The following WDR12 variants were observed in gnomAD, a reference collection of about 807,000 sequenced individuals.
WDR12 encodes the protein ribosome biogenesis protein WDR12.
A neutral mutation model predicts 64.3 loss-of-function variants in WDR12; 42 were observed. That is an observed-to-expected ratio of 0.65 (90% CI 0.51 to 0.84). The LOEUF (loss-of-function observed/expected upper bound fraction) is 0.84, where lower values mean the gene tolerates loss of function less well. WDR12 is among the 40% of genes least tolerant of loss of function. The pLI, the probability that WDR12 is intolerant of heterozygous loss-of-function variation, is 0.00. For synonymous variants in WDR12, 158 were observed against 173.3 expected (o/e 0.91, Z 0.70); for missense variants, 469 against 494.6 (o/e 0.95, Z 0.49).
intron 4 of WDR12, 148 bp downstream of exon 4, chr2:202,899,383 C>G: frequency 1.5e-6 from 1 of 661,788 alleles, no homozygotes; most frequent in East Asian, 3.0e-5. Context: ...AAAGATCTTT[C>G]TGTTTGCCAT....
intron 2 of WDR12, among the ~76,000 whole-genome samples, chr2:202,906,078 T>G (rs533222114): frequency 1.3e-5 from 2 of 152,238 alleles, no homozygotes; most frequent in Non-Finnish European, 2.9e-5. Context: ...ATACCTCATT[T>G]ACCCTGATGT....
intron 8 of WDR12, among the ~76,000 whole-genome samples, chr2:202,892,358 A>G (rs967312820): frequency 3.3e-5 from 5 of 152,336 alleles, no homozygotes; most frequent in African/African-American, 1.2e-4. Flanking sequence ...GCAACATGAG[A>G]TCAAACATAA....
At chr2:202,884,120 T>C (rs1177204175) in intron 10 of WDR12, 78 bp downstream of exon 10, 11 of 1,470,604 alleles carry the variant, frequency 7.5e-6, no homozygotes, top group East Asian at 6.9e-5. Context: ...CAGAAATTCC[T>C]TTTTTTGTAC....
At chr2:202,894,432 G>GGCT (rs1370048168) in intron 7 of WDR12, 149 bp downstream of exon 7, 1 of 598,838 alleles carries the variant, frequency 1.7e-6, no homozygotes, top group Non-Finnish European at 2.9e-6. Context: ...ATGTGGCCTA[G>GGCT]GCTGCTCTTG....
In WDR12 at chr2:202,877,638, T is replaced by A. The variant is rs996533452; in HGVS notation, c.*3222A>T. The A allele has an allele frequency of 6.6e-6, 1 of 152,266 alleles. No individual in the cohort carries two copies. Among genetic ancestry groups the A allele is most frequent in the African/African-American group, 2.4e-5 (1 of 41,450 alleles). The allele number at this position is 152,266 out of a possible 1,614,324, so 9.4% of individuals were successfully genotyped here. ...AAGATTACACCATTGTACTCCAGTA[T>A]GGGTGACATAGTGAGACCCTGTCTT... is the stretch of plus-strand genomic sequence containing the variant. On this transcript the variant is annotated 3_prime_UTR_variant, in exon 13 of 13. Transcript: ENST00000261015.
rs1687845361 is a variant in WDR12, at chr2:202,875,590, G to A, written c.*5270C>T. On this transcript the variant is annotated 3_prime_UTR_variant, in exon 13 of 13. Coordinates refer to ENST00000261015, the MANE Select transcript of WDR12 (RefSeq NM_018256.4). ...TTTAGTAGAGACGGGGTTTCTCCAT[G>A]TTGGTCAGGCTATTCTTGAACTCCC... 1 of 152,078 alleles carries A rather than the reference G, an allele frequency of 6.6e-6. No individual in the cohort carries two copies. Among genetic ancestry groups the A allele is most frequent in the African/African-American group, 2.4e-5 (1 of 41,422 alleles). The allele number at this position is 152,078 out of a possible 1,614,324, so 9.4% of individuals were successfully genotyped here.
At chr2:202,881,454 T>C (rs949135637) in intron 12 of WDR12, among the ~76,000 whole-genome samples, 8 of 152,116 alleles carry the variant, frequency 5.3e-5, no homozygotes, top group African/African-American at 1.9e-4. Context: ...TAGTCTTAAG[T>C]AGTGAGTTTT....
intron 5 of WDR12, among the ~76,000 whole-genome samples, chr2:202,896,815 C>T (rs942892207): frequency 4.6e-5 from 7 of 151,798 alleles, no homozygotes; most frequent in Non-Finnish European, 7.4e-5. Flanking sequence ...GGTGAAACCC[C>T]GTCTCTACTA....
chr2:202,896,471 A>T (rs1169273650), intron 5 of WDR12, among the ~76,000 whole-genome samples: 1 of 151,896 alleles, frequency 6.6e-6, no homozygotes, highest in Non-Finnish European at 1.5e-5. Flanking sequence ...CAGGCAGATC[A>T]CTTGAGGTCA....
At chr2:202,894,010 T>A (rs920954368) in intron 7 of WDR12, among the ~76,000 whole-genome samples, 2 of 152,148 alleles carry the variant, frequency 1.3e-5, no homozygotes, top group Admixed American at 6.6e-5. Flanking sequence ...GTTTCCTGAA[T>A]AAGAGAACTT....
chr2:202,903,608 T>C (rs1266854364), intron 2 of WDR12, among the ~76,000 whole-genome samples: 1 of 152,172 alleles, frequency 6.6e-6, no homozygotes, highest in Non-Finnish European at 1.5e-5. Flanking sequence ...GAAAAATCAA[T>C]GATATAACGT....
At chr2:202,898,284 G>A (rs1422645720) in intron 4 of WDR12, among the ~76,000 whole-genome samples, 1 of 152,042 alleles carries the variant, frequency 6.6e-6, no homozygotes, top group Non-Finnish European at 1.5e-5. Context: ...CCGAGTAACT[G>A]GGACTATGGG....
chr2:202,901,357 T>C (rs111479222), intron 2 of WDR12, among the ~76,000 whole-genome samples: 114 of 152,302 alleles, frequency 7.5e-4, no homozygotes, highest in African/African-American at 2.6e-3. Context: ...AAAGTAGAAA[T>C]AACAATGAAT....
intron 11 of WDR12, chr2:202,883,385 C>T (rs1482701964): frequency 4.7e-6 from 2 of 425,420 alleles, no homozygotes; most frequent in Admixed American, 3.6e-5. Context: ...ATCTGCCTGC[C>T]TCAGCCTTCC....
intron 1 of WDR12, among the ~76,000 whole-genome samples, chr2:202,910,993 A>G (rs531538844): frequency 1.3e-5 from 2 of 152,356 alleles, no homozygotes; most frequent in African/African-American, 4.8e-5. Flanking sequence ...AAGAAAGCTA[A>G]CAATGCAATA....
At chr2:202,909,234 C>A (rs577950189) in intron 1 of WDR12, among the ~76,000 whole-genome samples, 1 of 152,172 alleles carries the variant, frequency 6.6e-6, no homozygotes, top group Non-Finnish European at 1.5e-5. Context: ...AAAACTTGTA[C>A]GAGTGTTCAC....
At chr2:202,881,369 T>C (rs181885318) in intron 12 of WDR12, among the ~76,000 whole-genome samples, 10 of 152,332 alleles carry the variant, frequency 6.6e-5, no homozygotes, top group Admixed American at 5.2e-4. Context: ...AATAATTAAA[T>C]TGTAATTCTT....
Position 202,896,264 on chromosome 2 carries a change from A to G in WDR12, c.455-45T>C. 3 of 1,569,130 alleles carry G rather than the reference A, an allele frequency of 1.9e-6. No homozygotes were observed. In the South Asian group the frequency reaches 3.6e-5, roughly 19 times the overall value. On this transcript the variant is annotated intron_variant, in intron 5 of 12. Transcript: ENST00000261015. ...AGAATAAGAAACAAATCAGTATACC[A>G]TTTAGAATACATCATGTTCTGAAAC...
At chr2:202,906,330 T>G (rs897563597) in intron 2 of WDR12, among the ~76,000 whole-genome samples, 3 of 152,168 alleles carry the variant, frequency 2.0e-5, no homozygotes, top group Admixed American at 2.0e-4. Flanking sequence ...CCTTGAATAT[T>G]GAATATTGAA....
Sources: allele counts gnomAD v4.1 joint callset (sites outside exome capture counted in the v4.1 genomes callset), GRCh38; gene constraint gnomAD v4.1.1; transcripts MANE v1.5; gene names NCBI Gene and HGNC (gene_info 2026-07-23, HGNC 2026-07-21).